CC2D1A: variants seen among roughly 807,000 people sequenced by gnomAD.
CC2D1A encodes coiled-coil and C2 domain containing 1A.
Under a neutral mutation model 123.8 loss-of-function variants are expected in CC2D1A, and 68 were observed. The ratio of observed to expected loss-of-function variants is 0.55; its 90% CI spans 0.45 to 0.67. The LOEUF (loss-of-function observed/expected upper bound fraction) is 0.67. CC2D1A is among the 30% of genes least tolerant of loss of function. CC2D1A has a pLI of 0.00. For synonymous variants in CC2D1A, 477 were observed against 528.0 expected, an observed-to-expected ratio of 0.90 and a Z score of 1.32; for missense variants, 1,185 against 1,290.3, an observed-to-expected ratio of 0.92 and a Z score of 1.25.
chr19:13,928,581 C>A (rs1971739731), intron 24 of CC2D1A, among the ~76,000 whole-genome samples: 1 of 151,950 alleles, frequency 6.6e-6, no homozygotes, highest in Non-Finnish European at 1.5e-5. Context: ...CCAGGAAGCC[C>A]TCCCTGACCA....
intron 6 of CC2D1A, among the ~76,000 whole-genome samples, chr19:13,915,907 AG>A (rs1481536329): frequency 1.3e-5 from 2 of 152,322 alleles, no homozygotes; most frequent in Admixed American, 1.3e-4. Context: ...CAATTATGTC[AG>A]CAAGAGGTAC....
In CC2D1A at chr19:13,920,740, A is replaced by G. The variant is rs980502328; in HGVS notation, c.1469-10A>G. The G allele has an allele frequency of 6.8e-6, 11 of 1,612,856 alleles. No homozygotes were observed. The highest frequency in any genetic ancestry group is 9.3e-6 in the Non-Finnish European group (11 of 1,179,422). On this transcript the variant is annotated splice_polypyrimidine_tract_variant and intron_variant, in intron 13 of 28. Transcript: ENST00000318003. ...CTGGGCAGCACCCATAGCAGCTCCT[A>G]TGCCCACAGCCCAGCAGCAGCTGGC...
rs752849813 is a variant in CC2D1A at position 13,918,573 on chromosome 19, C to G, written c.943C>G (p.Pro315Ala). 6.2e-7 allele frequency: 1 copy of G among 1,613,400 alleles called. No homozygotes were observed. Among genetic ancestry groups the G allele is most frequent in the East Asian group, 2.2e-5 (1 of 44,882 alleles). The change falls in exon 8 of 29, where the codon CCC (proline) becomes GCC (alanine). Residue 315 changes from proline to alanine, a missense_variant. Physicochemically the swap from Pro to Ala is conservative, Grantham distance 27. Transcript: ENST00000318003. The stretch of plus-strand genomic sequence containing the variant: ...GGACCTCTCCTGCCTGCCCCCTCCA[C>G]CCGGTGAGAACCCTGCCATGCCCAC... ...PVDLSCLPPP[P>A]DQLPPDPPSP...
At chr19:13,914,728 C>T (rs1971143104) in intron 6 of CC2D1A, among the ~76,000 whole-genome samples, 1 of 150,768 alleles carries the variant, frequency 6.6e-6, no homozygotes, top group Admixed American at 6.6e-5. Flanking sequence ...ACCTGCCTCC[C>T]AGGCTCAAGC....
chr19:13,921,040 T>C (rs1971396966), intron 14 of CC2D1A, 118 bp downstream of exon 14: 1 of 956,856 alleles, frequency 1.0e-6, no homozygotes, highest in African/African-American at 1.7e-5. Flanking sequence ...AACAAATAGG[T>C]CCTCCCAAGA....
chr19:13,911,099 G>A (rs1291313414), intron 2 of CC2D1A, among the ~76,000 whole-genome samples: 4 of 150,008 alleles, frequency 2.7e-5, no homozygotes, highest in Non-Finnish European at 5.9e-5. Context: ...GGTGGTGCAT[G>A]CCTGTAATCC....
In CC2D1A at chr19:13,930,117, C is replaced by A; in HGVS notation, c.2750C>A (p.Thr917Lys). The change falls in exon 27 of 29, where the codon ACG becomes AAG. Residue 917 changes from threonine (T) to lysine (K), a missense_variant. Transcript: ENST00000318003. This position sits in a 1 kb window ranked among gnomAD's most constrained non-coding sequence, Gnocchi z 6.8. ...CTGGAGCGGCAGCTGCAGTTCTACACGGAGGCTGCCCGGCGCCTGGGCAAC... is the reference window on the plus strand; with the variant it reads ...CTGGAGCGGCAGCTGCAGTTCTACAAGGAGGCTGCCCGGCGCCTGGGCAAC... ...AQLERQLQFYTEAARRLGNDG... is the reference protein window; with the variant it reads ...AQLERQLQFYKEAARRLGNDG... The A allele has an allele frequency of 2.5e-6, 4 of 1,612,668 alleles. No homozygotes were observed. The highest frequency in any genetic ancestry group is 3.4e-6 in the Non-Finnish European group (4 of 1,179,658).
intron 1 of CC2D1A, among the ~76,000 whole-genome samples, chr19:13,909,375 CAA>C (rs1288958631): frequency 6.9e-6 from 1 of 144,162 alleles, no homozygotes; most frequent in African/African-American, 2.5e-5. Flanking sequence ...GACTCTGTGT[CAA>C]AAAAAAACAA....
rs1483812844 is a variant in CC2D1A, at chr19:13,920,908, G to A, written c.1627G>A (p.Val543Met). 8.7e-6 allele frequency: 14 copies of A among 1,613,226 alleles called. No individual in the cohort carries two copies. The highest frequency in any genetic ancestry group is 3.3e-5 in the Admixed American group (2 of 59,870). ...GGAGGCCTCGCGCAATGGGCTGCCT[G>A]TGGACATCACCAAGGTGAACCTTCT... ...MLEASRNGLP[V>M]DITKVPPAPV... Residue 543 changes from valine to methionine, a missense_variant, in exon 14 of 29, where the codon GTG becomes ATG. Val to Met is a conservative substitution (Grantham distance 21). Transcript: ENST00000318003.
In CC2D1A at chr19:13,906,256, C is replaced by A; in HGVS notation, c.-186C>A. 1 of 461,462 alleles carries A rather than the reference C, an allele frequency of 2.2e-6. No homozygotes were observed. Among genetic ancestry groups the A allele is most frequent in the Non-Finnish European group, 3.8e-6 (1 of 266,364 alleles). The allele number at this position is 461,462 out of a possible 1,614,324, so 28.6% of individuals were successfully genotyped here. On this transcript the variant is annotated 5_prime_UTR_variant, in exon 1 of 29. Coordinates refer to ENST00000318003, the MANE Select transcript of CC2D1A (RefSeq NM_017721.5). The surrounding 1 kb of genome is among the most constrained non-coding windows in gnomAD (Gnocchi z 4.1). ...CAGTGGCCGCGCTCCGGTGCGGCGG[C>A]GCCCGAGGCCCGAGGCGGAAGTGGG...
At position 13,930,746 on chromosome 19, in the gene CC2D1A, A is replaced by C. The variant is rs2145391565; in HGVS notation, c.*351A>C. 5.4e-6 allele frequency: 2 copies of C among 372,318 alleles called. No individual in the cohort carries two copies. The highest frequency in any genetic ancestry group is 5.9e-5 in the South Asian group (1 of 17,030). The allele number at this position is 372,318 out of a possible 1,614,324, so 23.1% of individuals were successfully genotyped here. ...TACTTCCTGTTCCTCCCCAGCCTTA[A>C]CCCCAAAGCCCTCCTGCACCCCAAA... is the stretch of plus-strand genomic sequence containing the variant. On this transcript the variant is annotated 3_prime_UTR_variant, in exon 29 of 29. Coordinates refer to ENST00000318003, the MANE Select transcript of CC2D1A (RefSeq NM_017721.5). This position sits in a 1 kb window ranked among gnomAD's most constrained non-coding sequence, Gnocchi z 6.8.
Position 13,923,210 on chromosome 19 carries a change from A to G in CC2D1A, c.1642-123A>G. 1 of 1,206,762 alleles carries G rather than the reference A, an allele frequency of 8.3e-7. No individual in the cohort carries two copies. The highest frequency in any genetic ancestry group is 1.5e-5 in the South Asian group (1 of 67,280). The allele number at this position is 1,206,762 out of a possible 1,614,324, so 74.8% of individuals were successfully genotyped here. A position where few individuals can be genotyped will look rare whatever the true frequency, so the allele number is the denominator to read the frequency against. On this transcript the variant is annotated intron_variant, in intron 14 of 28. Transcript: ENST00000318003. The surrounding 1 kb of genome is among the most constrained non-coding windows in gnomAD (Gnocchi z 5.3). ...TCCATCTCAAAAAAAAAAAAAGACC[A>G]GAGAAGGGTGACAGAGCCGTGGTCA...
rs1391382210 is a variant in CC2D1A at position 13,926,016 on chromosome 19, GTA to G, written c.1941-493_1941-492del. Among the ~76,000 whole-genome samples the G allele has an allele frequency of 8.2e-4, 63 of 76,364 alleles. No individual in the cohort carries two copies. The East Asian group carries it at 0.013, about 16-fold the overall frequency. 50.1% of individuals were successfully genotyped at this position (76,364 alleles called of 152,430 possible). On this transcript the variant is annotated intron_variant, in intron 17 of 28. Coordinates refer to ENST00000318003, the MANE Select transcript of CC2D1A (RefSeq NM_017721.5). ...TATATGTGTGTATATATATATATAC[GTA>G]TATATATGTGTATATATATATATAT...
chr19:13,912,340 G>T lies in CC2D1A; in HGVS notation c.214G>T (p.Ala72Ser). 1 of 1,608,672 alleles carries T rather than the reference G, an allele frequency of 6.2e-7. No homozygotes were observed. Among genetic ancestry groups the T allele is most frequent in the Non-Finnish European group, 8.5e-7 (1 of 1,177,686 alleles). Residue 72 changes from alanine (A) to serine (S), a missense_variant, in exon 3 of 29, where the codon GCC (alanine) becomes TCC (serine). Ala to Ser is a moderately conservative substitution (Grantham distance 99). Coordinates refer to ENST00000318003, the MANE Select transcript of CC2D1A (RefSeq NM_017721.5). ...ACCGCCAGGTCCCTTGCCGATGGAG[G>T]CCATTGAGAAGATGGCCAGCCTGTG... The part of the protein sequence containing the change: ...LKGKGPLPME[A>S]IEKMASLCMR...
In CC2D1A at chr19:13,927,397, C is replaced by T. The variant is rs573528973; in HGVS notation, c.2316+132C>T. 4 of 699,430 alleles carry T rather than the reference C, an allele frequency of 5.7e-6. No homozygotes were observed. The South Asian group carries it at 6.8e-5, about 12-fold the overall frequency. 43.3% of individuals were successfully genotyped at this position (699,430 alleles called of 1,614,324 possible). A position where few individuals can be genotyped will look rare whatever the true frequency, so the allele number is the denominator to read the frequency against. ...AGCCCCTCCCCTCAGAGCCTCAGACCTCCCTACTGCCCAGCCCTAAATACT... is the reference window on the plus strand; with the variant it reads ...AGCCCCTCCCCTCAGAGCCTCAGACTTCCCTACTGCCCAGCCCTAAATACT... On this transcript the variant is annotated intron_variant, in intron 22 of 28. Transcript: ENST00000318003.
At chr19:13,919,082 G>C (rs749958194) in intron 10 of CC2D1A, 40 bp downstream of exon 10, 2 of 1,602,708 alleles carry the variant, frequency 1.2e-6, no homozygotes, top group Admixed American at 1.7e-5. Context: ...CGAGTGGGCA[G>C]CCCGGGAGCC....
intron 17 of CC2D1A, among the ~76,000 whole-genome samples, chr19:13,925,057 G>A (rs1460750435): frequency 1.3e-5 from 2 of 152,094 alleles, no homozygotes; most frequent in African/African-American, 4.8e-5. Context: ...TTGACATCTA[G>A]AGTCACCTAT....
intron 6 of CC2D1A, among the ~76,000 whole-genome samples, chr19:13,916,735 A>G (rs561086721): frequency 6.6e-6 from 1 of 152,284 alleles, no homozygotes; most frequent in South Asian, 2.1e-4. Flanking sequence ...TTCTACCTCC[A>G]AACATATTTT....
At chr19:13,926,109 G>C (rs1454603702) in intron 17 of CC2D1A, among the ~76,000 whole-genome samples, 1 of 141,498 alleles carries the variant, frequency 7.1e-6, no homozygotes, top group African/African-American at 2.7e-5. Flanking sequence ...GTGAAAAGAA[G>C]GTCCCCCAGC....
Sources: gnomAD v4.1 joint callset for allele counts (sites outside exome capture counted in the v4.1 genomes callset) on GRCh38, gnomAD v4.1.1 for gene constraint, Gnocchi (gnomAD v3.1) non-coding constraint, MANE v1.5 for transcripts, NCBI Gene and HGNC (gene_info 2026-07-23, HGNC 2026-07-21) for gene names.